The following GPR176 variants were observed in gnomAD, a reference collection of about 807,000 sequenced individuals.
The protein encoded by GPR176 is G-protein coupled receptor 176.
In GPR176, 26 loss-of-function variants were observed where a neutral mutation model predicts 35.4. The ratio of observed to expected loss-of-function variants is 0.74; its 90% confidence interval spans 0.54 to 1.02. GPR176 has a LOEUF of 1.02. Among genes scored for constraint, GPR176 ranks in the 50% least tolerant of loss-of-function variants. The probability of loss-of-function intolerance (pLI) is 0.00; values close to 1 mark genes in which losing one functional copy is unlikely to be tolerated. For missense variants in GPR176, 597 were observed against 665.3 expected (o/e 0.90, Z 1.13); for synonymous variants, 278 against 271.3 (o/e 1.02, Z -0.24).
intron 1 of GPR176, among the ~76,000 whole-genome samples, chr15:39,835,390 T>C (rs1407292933): frequency 6.6e-6 from 1 of 152,006 alleles, no homozygotes; most frequent in African/African-American, 2.4e-5. Context: ...AAAATTTTAT[T>C]AAAAAACAAA....
rs570039835 is a variant in GPR176 at position 39,898,282 on chromosome 15, T to G, written c.172+21573A>C. 2.0e-5 allele frequency among the ~76,000 whole-genome samples: 3 copies of G among 152,288 alleles called. No homozygotes were observed. The South Asian group carries it at 6.2e-4, about 32-fold the overall frequency. On this transcript the variant is annotated intron_variant, in intron 1 of 2. Coordinates refer to ENST00000561100, the MANE Select transcript of GPR176 (RefSeq NM_007223.3). ...AAGATTTACGGTGACTTTGCCAAGT[T>G]ACTTGGTATCCTTAAAACCCTTCAG...
chr15:39,880,874 A>C (rs1233491447), intron 1 of GPR176, among the ~76,000 whole-genome samples: 1 of 152,182 alleles, frequency 6.6e-6, no homozygotes, highest in Non-Finnish European at 1.5e-5. Context: ...CGACAGCCTC[A>C]TAATTAGTCT....
At chr15:39,901,464 G>A (rs1043322324) in intron 1 of GPR176, among the ~76,000 whole-genome samples, 2 of 152,264 alleles carry the variant, frequency 1.3e-5, no homozygotes, top group Admixed American at 6.5e-5. Flanking sequence ...TAAAAGATGG[G>A]TAGGACTGGT....
intron 1 of GPR176, among the ~76,000 whole-genome samples, chr15:39,817,086 T>A (rs1329089025): frequency 9.7e-5 from 6 of 61,998 alleles, no homozygotes; most frequent in Non-Finnish European, 1.3e-4. Context: ...AAAAAAAAGC[T>A]TTGAAAAACA....
intron 1 of GPR176, among the ~76,000 whole-genome samples, chr15:39,859,161 G>A (rs2031432277): frequency 2.0e-5 from 3 of 152,058 alleles, no homozygotes; most frequent in Admixed American, 1.3e-4. Flanking sequence ...ATTATAAAAT[G>A]AGTATATTTA....
chr15:39,835,955 C>T (rs867336433), intron 1 of GPR176, among the ~76,000 whole-genome samples: 4 of 152,222 alleles, frequency 2.6e-5, no homozygotes, highest in African/African-American at 7.2e-5. Context: ...ATTATCCAGG[C>T]ATGGTGGCAC....
At chr15:39,888,265 G>C (rs55717056) in intron 1 of GPR176, among the ~76,000 whole-genome samples, 4 of 145,426 alleles carry the variant, frequency 2.8e-5, no homozygotes, top group African/African-American at 1.0e-4. Flanking sequence ...GGGGTGAAGG[G>C]AATCTGCTTT....
At chr15:39,885,483 T>C (rs1029899274) in intron 1 of GPR176, among the ~76,000 whole-genome samples, 6 of 152,212 alleles carry the variant, frequency 3.9e-5, no homozygotes, top group Non-Finnish European at 8.8e-5. Context: ...GAGACAAGTC[T>C]TCCAATTAAT....
chr15:39,829,216 C>A, intron 1 of GPR176: 1 of 1,514,814 alleles, frequency 6.6e-7, no homozygotes, highest in Non-Finnish European at 8.8e-7. Flanking sequence ...ACCCCCAACA[C>A]TGAGAACAAA....
chr15:39,881,321 T>C (rs371754416), intron 1 of GPR176, among the ~76,000 whole-genome samples: 2 of 152,364 alleles, frequency 1.3e-5, no homozygotes, highest in African/African-American at 4.8e-5. Flanking sequence ...TAGCATTCAA[T>C]TAATGCTGAT....
chr15:39,814,268 T>TC (rs1330400760), intron 1 of GPR176, among the ~76,000 whole-genome samples: 1 of 152,236 alleles, frequency 6.6e-6, no homozygotes, highest in African/African-American at 2.4e-5. Context: ...TGATTATATC[T>TC]CTTAACCACT....
At chr15:39,808,597 C>T (rs888571469) in intron 1 of GPR176, among the ~76,000 whole-genome samples, 4 of 152,192 alleles carry the variant, frequency 2.6e-5, no homozygotes, top group Non-Finnish European at 5.9e-5. Flanking sequence ...TAGTTCTCAT[C>T]ACAATTATTC....
At chr15:39,863,065 T>A (rs35880321) in intron 1 of GPR176, among the ~76,000 whole-genome samples, 21,162 of 151,154 alleles carry the variant, frequency 0.14, 2,047 homozygotes, top group East Asian at 0.33. Context: ...TTTTCTTTTT[T>A]TTTTTTTTCT....
intron 1 of GPR176, among the ~76,000 whole-genome samples, chr15:39,894,723 C>T: frequency 6.6e-6 from 1 of 151,818 alleles, no homozygotes; most frequent in East Asian, 1.9e-4. Context: ...GGAGACGCTC[C>T]TCACTTTCCA....
rs1898751027 is a variant in GPR176 at position 39,799,938 on chromosome 15, T to C, written c.*1194A>G. ...CAGATGTTGCCTTGGCACTCTACAA[T>C]GATTATTTCTCCCTGTTCTGTTCCT... On this transcript the variant is annotated 3_prime_UTR_variant, in exon 3 of 3. Transcript: ENST00000561100. 6.6e-6 allele frequency: 1 copy of C among 152,208 alleles called. No homozygotes were observed. The highest frequency in any genetic ancestry group is 6.5e-5 in the Admixed American group (1 of 15,274). 9.4% of individuals were successfully genotyped at this position (152,208 alleles called of 1,614,324 possible).
chr15:39,875,904 C>T (rs889364506), intron 1 of GPR176, among the ~76,000 whole-genome samples: 4 of 147,150 alleles, frequency 2.7e-5, no homozygotes, highest in East Asian at 3.9e-4. Context: ...ATTTTTATTC[C>T]TCCCAATGTT....
chr15:39,895,737 TA>T (rs945761441), intron 1 of GPR176, among the ~76,000 whole-genome samples: 6 of 152,146 alleles, frequency 3.9e-5, no homozygotes, highest in Admixed American at 1.3e-4. Context: ...AAGCAGACAC[TA>T]AAAACATTAA....
chr15:39,885,557 G>A (rs958831584), intron 1 of GPR176, among the ~76,000 whole-genome samples: 3 of 152,120 alleles, frequency 2.0e-5, no homozygotes, highest in Non-Finnish European at 4.4e-5. Context: ...CAGGCACTGA[G>A]GGCAGTCCCC....
chr15:39,820,494 T>C (rs1900200002), intron 1 of GPR176, among the ~76,000 whole-genome samples: 1 of 152,088 alleles, frequency 6.6e-6, no homozygotes, highest in South Asian at 2.1e-4. Flanking sequence ...AAATAACAGA[T>C]TGGCACAATG....
Sources: gnomAD v4.1 joint callset for allele counts (sites outside exome capture counted in the v4.1 genomes callset) on GRCh38, gnomAD v4.1.1 for gene constraint, MANE v1.5 for transcripts, NCBI Gene and HGNC (gene_info 2026-07-23, HGNC 2026-07-21) for gene names.